Variants in L3MBTL2 observed in about 807,000 individuals in gnomAD.
L3MBTL2 encodes L3MBTL histone methyl-lysine binding protein 2.
L3MBTL2 carries 49 observed loss-of-function variants against 86.4 expected under a neutral mutation model. The ratio of observed to expected loss-of-function variants is 0.57; its 90% CI spans 0.45 to 0.72. The LOEUF (loss-of-function observed/expected upper bound fraction) is 0.72. L3MBTL2 is among the 30% of genes least tolerant of loss of function. L3MBTL2 has a pLI of 0.00. For synonymous variants in L3MBTL2, 336 were observed against 350.6 expected, an observed-to-expected ratio of 0.96 and a Z score of 0.47; for missense variants, 755 against 923.7, an observed-to-expected ratio of 0.82 and a Z score of 2.37.
chr22:41,227,664 TCTC>T lies in L3MBTL2; in HGVS notation c.1823-136_1823-134del. The T allele has an allele frequency of 6.4e-7, 1 of 1,568,292 alleles. No homozygotes were observed. Among genetic ancestry groups the T allele is most frequent in the Non-Finnish European group, 8.6e-7 (1 of 1,156,476 alleles). ...TCCGGCCCCTCCTCCAGCCCCGCCC[TCTC>T]CTCATTGCCCAGGTTTGGCTTCCTG... On this transcript the variant is annotated intron_variant, in intron 14 of 16. Coordinates refer to ENST00000216237, the MANE Select transcript of L3MBTL2 (RefSeq NM_031488.5). The surrounding 1 kb of genome is among the most constrained non-coding windows in gnomAD (Gnocchi z 6.0).
intron 3 of L3MBTL2, 127 bp from the exon 4 acceptor site, chr22:41,216,012 A>T (rs546882298): frequency 9.5e-7 from 1 of 1,054,874 alleles, no homozygotes; most frequent in South Asian, 1.7e-5. Context: ...TGTTTCACAC[A>T]TGAAGAAACT....
Position 41,220,670 on chromosome 22 carries a change from A to AC in L3MBTL2, c.719-64_719-63insC. On this transcript the variant is annotated intron_variant, in intron 6 of 16. Transcript: ENST00000216237. ...AAGACTTCGTCTCAGAAAAAAAAAA[A>AC]AAAAACAGAACATACCTTCCCCAGC... is the stretch of plus-strand genomic sequence containing the variant. The AC allele has an allele frequency of 4.0e-6, 6 of 1,514,376 alleles. No individual in the cohort carries two copies. In the African/African-American group the frequency reaches 7.0e-5, roughly 18 times the overall value. 93.8% of individuals were successfully genotyped at this position (1,514,376 alleles called of 1,614,324 possible). A position where few individuals can be genotyped will look rare whatever the true frequency, so the allele number is the denominator to read the frequency against.
chr22:41,210,959 G>T (rs1328665996), intron 2 of L3MBTL2, among the ~76,000 whole-genome samples: 2 of 152,154 alleles, frequency 1.3e-5, no homozygotes, highest in East Asian at 3.9e-4. Flanking sequence ...ATAACTTGTG[G>T]TTTGGAAGTC....
At chr22:41,220,159 G>A (rs1229883962) in intron 6 of L3MBTL2, among the ~76,000 whole-genome samples, 1 of 152,170 alleles carries the variant, frequency 6.6e-6, no homozygotes, top group East Asian at 1.9e-4. Context: ...ACCAGACGGG[G>A]CAATATAGTG....
At position 41,227,250 on chromosome 22, in the gene L3MBTL2, C is replaced by T. The variant is rs139499248; in HGVS notation, c.1749C>T (p.Cys583=). ...GCGAGTACGACCAGTGGGTGGACTG[C>T]GAGTCCCCAGACATCTACCCCGTCG... ...WDSEYDQWVD[C]ESPDIYPVGW... is the part of the protein sequence containing the mutation. The change falls in exon 14 of 17, where the codon TGC becomes TGT. Residue 583 remains cysteine (C), a synonymous_variant. Coordinates refer to ENST00000216237, the MANE Select transcript of L3MBTL2 (RefSeq NM_031488.5). This position sits in a 1 kb window ranked among gnomAD's most constrained non-coding sequence, Gnocchi z 6.0. The T allele has an allele frequency of 9.4e-5, 152 of 1,612,920 alleles. No individual in the cohort carries two copies. In the African/African-American group the frequency reaches 1.8e-3, roughly 19 times the overall value.
Position 41,221,605 on chromosome 22 carries a change from CAT to C in L3MBTL2, c.942+320_942+321del, listed in dbSNP as rs531949200. ...GTGTTCACTCAATAGATTTTATTAA[CAT>C]ACTTTTTTGTTTTTTGGGAGACGGA... On this transcript the variant is annotated intron_variant, in intron 8 of 16. Transcript: ENST00000216237. Among the ~76,000 whole-genome samples, 213 of 152,300 alleles carry C rather than the reference CAT, an allele frequency of 1.4e-3. 1 individual carries two copies. The highest frequency in any genetic ancestry group is 4.8e-3 in the African/African-American group (199 of 41,568).
intron 3 of L3MBTL2, among the ~76,000 whole-genome samples, chr22:41,215,630 A>AAACATTCGCCTATGTGGACCCTCTCCCG (rs1569141314): frequency 9.9e-6 from 1 of 101,042 alleles, no homozygotes; most frequent in Non-Finnish European, 2.1e-5. Context: ...GTCCTCTCCC[A>AAACATTCGCCTATGTGGACCCTCTCCCG]AACATTCGCC....
intron 2 of L3MBTL2, among the ~76,000 whole-genome samples, chr22:41,210,631 CTT>C (rs1306433695): frequency 1.3e-5 from 2 of 151,992 alleles, no homozygotes; most frequent in Non-Finnish European, 2.9e-5. Flanking sequence ...GCCAGCCTAA[CTT>C]TTGTATTTTT....
intron 16 of L3MBTL2, 139 bp downstream of exon 16, chr22:41,229,795 ACT>A: frequency 2.1e-6 from 3 of 1,420,720 alleles, no homozygotes; most frequent in South Asian, 1.2e-5. Context: ...GTCCTGTACC[ACT>A]GGACCCAGGG....
intron 5 of L3MBTL2, 40 bp downstream of exon 5, chr22:41,217,242 G>C (rs114151485): frequency 3.9e-6 from 6 of 1,519,726 alleles, no homozygotes; most frequent in African/African-American, 2.7e-5. Flanking sequence ...CCGGGGAGCC[G>C]GGCCTGGAGC....
In L3MBTL2 at chr22:41,224,688, C is replaced by G. The variant is rs542560356; in HGVS notation, c.1175-37C>G. The G allele has an allele frequency of 3.2e-6, 5 of 1,548,684 alleles. No homozygotes were observed. Among genetic ancestry groups the G allele is most frequent in the African/African-American group, 2.7e-5 (2 of 73,610 alleles). On this transcript the variant is annotated intron_variant, in intron 9 of 16. Coordinates refer to ENST00000216237, the MANE Select transcript of L3MBTL2 (RefSeq NM_031488.5). The surrounding 1 kb of genome is among the most constrained non-coding windows in gnomAD (Gnocchi z 4.9). The stretch of plus-strand genomic sequence containing the variant: ...ATGGCCCAGGAGCCGCCTCCAACTC[C>G]CTTCTCTCCCTCATTCCCTATCCAT...
At chr22:41,210,648 G>C (rs2030686784) in intron 2 of L3MBTL2, among the ~76,000 whole-genome samples, 1 of 152,086 alleles carries the variant, frequency 6.6e-6, no homozygotes, top group African/African-American at 2.4e-5. Context: ...ATTTTTAGTA[G>C]AGGCGGGGTT....
intron 1 of L3MBTL2, 125 bp from the exon 2 acceptor site, chr22:41,209,571 G>C: frequency 1.4e-6 from 1 of 739,262 alleles, no homozygotes; most frequent in South Asian, 1.7e-5. Context: ...CTTGGTGTTT[G>C]TAAAAGGGGT....
At chr22:41,230,079 G>GCAC in intron 16 of L3MBTL2, 60 bp from the exon 17 acceptor site, 1 of 532,754 alleles carries the variant, frequency 1.9e-6, no homozygotes, top group South Asian at 3.4e-5. Context: ...CAGCTCCTCC[G>GCAC]CCCCCACCCC....
Position 41,225,283 on chromosome 22 carries a change from G to A in L3MBTL2, c.1356+212G>A, listed in dbSNP as rs973894359. Among the ~76,000 whole-genome samples the A allele has an allele frequency of 1.3e-5, 2 of 152,172 alleles. No homozygotes were observed. The highest frequency in any genetic ancestry group is 6.5e-5 in the Admixed American group (1 of 15,272). On this transcript the variant is annotated intron_variant, in intron 11 of 16. Coordinates refer to ENST00000216237, the MANE Select transcript of L3MBTL2 (RefSeq NM_031488.5). This position sits in a 1 kb window ranked among gnomAD's most constrained non-coding sequence, Gnocchi z 4.1. The stretch of plus-strand genomic sequence containing the variant: ...TGTCAGGGTCCAAGGCTCCCTGGAC[G>A]AGTGCTTATTCAACACCTGAGCCTG...
In L3MBTL2 at chr22:41,224,626, C is replaced by G. The variant is rs1236803024; in HGVS notation, c.1175-99C>G. ...ACAGAGATACAGCTGAGAACACGTG[C>G]AGAGCAGCCCCACATTCCCAGGGGA... is the stretch of plus-strand genomic sequence containing the variant. On this transcript the variant is annotated intron_variant, in intron 9 of 16. Transcript: ENST00000216237. The surrounding 1 kb of genome is among the most constrained non-coding windows in gnomAD (Gnocchi z 4.9). 1.2e-6 allele frequency: 1 copy of G among 858,010 alleles called. No homozygotes were observed. The allele number at this position is 858,010 out of a possible 1,614,324, so 53.1% of individuals were successfully genotyped here. A position where few individuals can be genotyped will look rare whatever the true frequency, so the allele number is the denominator to read the frequency against.
rs1420442351 is a variant in L3MBTL2, at chr22:41,224,801, G to A, written c.1251G>A (p.Lys417=). The change falls in exon 10 of 17, where the codon AAG becomes AAA. Residue 417 remains lysine (K), a splice_region_variant and synonymous_variant. Transcript: ENST00000216237. The surrounding 1 kb of genome is among the most constrained non-coding windows in gnomAD (Gnocchi z 4.9). ...ATGCCGTTCCTTACCTCTTCAAGAA[G>A]GTGAGGTTCAGCTCTTGGGCGCTTT... ...YCDAVPYLFK[K]VRAVYTEGGW... The A allele has an allele frequency of 6.2e-7, 1 of 1,613,200 alleles. No homozygotes were observed. Among genetic ancestry groups the A allele is most frequent in the African/African-American group, 1.3e-5 (1 of 75,026 alleles).
chr22:41,216,656 A>G (rs1259430208), intron 4 of L3MBTL2, among the ~76,000 whole-genome samples: 1 of 152,186 alleles, frequency 6.6e-6, no homozygotes, highest in East Asian at 1.9e-4. Context: ...TTGCTAAGCA[A>G]GTTAAATGTA....
chr22:41,221,808 G>A (rs1204659474), intron 8 of L3MBTL2, among the ~76,000 whole-genome samples: 1 of 151,910 alleles, frequency 6.6e-6, no homozygotes, highest in African/African-American at 2.4e-5. Context: ...TTTCACCGTG[G>A]TAGCCAGGAT....
Sources: gnomAD v4.1 joint callset for allele counts (sites outside exome capture counted in the v4.1 genomes callset) on GRCh38, gnomAD v4.1.1 for gene constraint, Gnocchi (gnomAD v3.1) non-coding constraint, MANE v1.5 for transcripts, NCBI Gene and HGNC (gene_info 2026-07-23, HGNC 2026-07-21) for gene names.